CPO: variants seen among roughly 807,000 people sequenced by gnomAD.
CPO encodes the protein carboxypeptidase O.
CPO carries 43 observed loss-of-function variants against 41.2 expected under a neutral mutation model. The observed-to-expected ratio is 1.04, with a 90% CI of 0.82 to 1.35. The LOEUF (loss-of-function observed/expected upper bound fraction) is 1.35, where lower values mean the gene tolerates loss of function less well. CPO is among the 40% of genes most tolerant of loss of function. The pLI is 0.00. For missense variants in CPO, 408 were observed against 451.7 expected (o/e 0.90, Z 0.88); for synonymous variants, 178 against 162.7 (o/e 1.09, Z -0.72).
chr2:206,950,141 G>C (rs951499869), intron 2 of CPO, among the ~76,000 whole-genome samples: 6 of 152,154 alleles, frequency 3.9e-5, no homozygotes, highest in Non-Finnish European at 7.4e-5. Flanking sequence ...CAGGACACAT[G>C]CAGTAGTTCT....
At chr2:206,966,241 GA>G (rs11362053) in intron 7 of CPO, among the ~76,000 whole-genome samples, 56,627 of 142,456 alleles carry the variant, frequency 0.4, 12,264 homozygotes, top group Middle Eastern at 0.54. Flanking sequence ...CTGCAGGAAA[GA>G]AAAAAAAAAA....
rs980367519 is a variant in CPO at position 206,969,250 on chromosome 2, C to T, written c.939C>T (p.Asp313=). Residue 313 remains aspartate (D), a synonymous_variant, in exon 9 of 9, where the codon GAC becomes GAT. Coordinates refer to ENST00000272852, the MANE Select transcript of CPO (RefSeq NM_173077.3). ...IPFSYTFELR[D]SGTYGFVLPE... Reference sequence around the variant, plus strand: ...TCTCATATACGTTTGAGCTGAGGGACAGTGGAACATATGGGTTTGTTCTGC... The same window carrying T: ...TCTCATATACGTTTGAGCTGAGGGATAGTGGAACATATGGGTTTGTTCTGC... 1 of 1,614,118 alleles carries T rather than the reference C, an allele frequency of 6.2e-7. No individual in the cohort carries two copies. The highest frequency in any genetic ancestry group is 1.3e-5 in the African/African-American group (1 of 75,042).
At chr2:206,952,543 T>C (rs1574350170) in intron 2 of CPO, among the ~76,000 whole-genome samples, 1 of 152,198 alleles carries the variant, frequency 6.6e-6, no homozygotes, top group East Asian at 1.9e-4. Context: ...TCTTATTGCA[T>C]TAATTGTTAT....
intron 2 of CPO, among the ~76,000 whole-genome samples, chr2:206,949,934 CA>C (rs1693219789): frequency 6.6e-6 from 1 of 152,108 alleles, no homozygotes; most frequent in Non-Finnish European, 1.5e-5. Context: ...AAATTAATAA[CA>C]AAAAGAAAAT....
intron 5 of CPO, 108 bp downstream of exon 5, chr2:206,959,849 G>T: frequency 1.8e-6 from 1 of 552,286 alleles, no homozygotes; most frequent in South Asian, 3.1e-5. Flanking sequence ...TCATACCTAT[G>T]TAAAGAAAGG....
intron 1 of CPO, among the ~76,000 whole-genome samples, chr2:206,944,710 AATT>A (rs1383525426): frequency 1.3e-5 from 2 of 152,034 alleles, no homozygotes; most frequent in African/African-American, 4.8e-5. Context: ...CTTCTGTTAA[AATT>A]ATTATTAATA....
At chr2:206,958,941 AT>A (rs1343456662) in intron 4 of CPO, among the ~76,000 whole-genome samples, 1 of 151,696 alleles carries the variant, frequency 6.6e-6, no homozygotes, top group East Asian at 1.9e-4. Context: ...GGGTTTCTCC[AT>A]GTTGGTCAGA....
chr2:206,967,343 A>ATATATATATATC (rs1559075236), intron 7 of CPO, among the ~76,000 whole-genome samples: 1 of 77,100 alleles, frequency 1.3e-5, no homozygotes, highest in African/African-American at 4.8e-5. Context: ...ATATATATAT[A>ATATATATATATC]TATATATAGA....
chr2:206,943,570 A>G (rs1693067790), intron 1 of CPO, among the ~76,000 whole-genome samples: 1 of 150,940 alleles, frequency 6.6e-6, no homozygotes, highest in African/African-American at 2.4e-5. Context: ...GGATGTCATA[A>G]AAGAATAGTT....
chr2:206,969,250 C>G lies in CPO; in HGVS notation c.939C>G (p.Asp313Glu). The G allele has an allele frequency of 6.2e-7, 1 of 1,614,118 alleles. No individual in the cohort carries two copies. The highest frequency in any genetic ancestry group is 1.7e-5 in the Admixed American group (1 of 60,030). The change falls in exon 9 of 9, where the codon GAC becomes GAG. Residue 313 changes from aspartate to glutamate, a missense_variant. Transcript: ENST00000272852. ...IPFSYTFELR[D>E]SGTYGFVLPE... The stretch of plus-strand genomic sequence containing the variant: ...TCTCATATACGTTTGAGCTGAGGGA[C>G]AGTGGAACATATGGGTTTGTTCTGC...
intron 1 of CPO, among the ~76,000 whole-genome samples, chr2:206,947,966 C>T (rs893236138): frequency 1.3e-5 from 2 of 152,182 alleles, no homozygotes; most frequent in African/African-American, 2.4e-5. Flanking sequence ...AACTCTCATT[C>T]GTTGCTGATG....
intron 2 of CPO, among the ~76,000 whole-genome samples, chr2:206,951,761 C>G (rs1693268719): frequency 6.6e-6 from 1 of 152,172 alleles, no homozygotes; most frequent in Non-Finnish European, 1.5e-5. Flanking sequence ...ATCTGTGAAA[C>G]AGAAATAGTA....
At chr2:206,951,645 A>G (rs1388074022) in intron 2 of CPO, among the ~76,000 whole-genome samples, 2 of 152,204 alleles carry the variant, frequency 1.3e-5, no homozygotes, top group Non-Finnish European at 2.9e-5. Flanking sequence ...TGGCCCATGG[A>G]CACTTTATGA....
chr2:206,964,084 T>C (rs925427578), intron 7 of CPO, among the ~76,000 whole-genome samples: 1 of 152,192 alleles, frequency 6.6e-6, no homozygotes, highest in African/African-American at 2.4e-5. Flanking sequence ...CTTGCTCTGT[T>C]CTTAATATCA....
chr2:206,968,488 TAA>T (rs919858252), intron 8 of CPO, 141 bp downstream of exon 8: 43 of 641,796 alleles, frequency 6.7e-5, no homozygotes, highest in Non-Finnish European at 1.2e-4. Context: ...TGACCAAGGA[TAA>T]AAGGGAGTCT....
Position 206,962,552 on chromosome 2 carries a change from G to A in CPO, c.715G>A (p.Gly239Arg). ...GTGCTTCCTGACCATGCACTCTTAT[G>A]GGCAGTTAATTCTCACACCTTACGG... ...ILCFLTMHSY[G>R]QLILTPYGYT... Residue 239 changes from glycine to arginine, a missense_variant, in exon 7 of 9, where the codon GGG becomes AGG. Coordinates refer to ENST00000272852, the MANE Select transcript of CPO (RefSeq NM_173077.3). 1.2e-6 allele frequency: 2 copies of A among 1,614,050 alleles called. No individual in the cohort carries two copies. Among genetic ancestry groups the A allele is most frequent in the Non-Finnish European group, 1.7e-6 (2 of 1,179,974 alleles).
chr2:206,951,613 A>C (rs1693265558), intron 2 of CPO, among the ~76,000 whole-genome samples: 2 of 152,348 alleles, frequency 1.3e-5, no homozygotes, highest in South Asian at 4.1e-4. Flanking sequence ...TGAAAGTTCT[A>C]CAATTTTGTA....
At chr2:206,943,705 TA>T (rs1156705778) in intron 1 of CPO, among the ~76,000 whole-genome samples, 7 of 74,116 alleles carry the variant, frequency 9.4e-5, no homozygotes, top group Non-Finnish European at 1.2e-4. Flanking sequence ...GATAGATAGA[TA>T]GATAGATAGA....
rs557001625 is a variant in CPO, at chr2:206,969,437, G to C, written c.*1G>C. 1.2e-6 allele frequency: 2 copies of C among 1,613,980 alleles called. No homozygotes were observed. The highest frequency in any genetic ancestry group is 4.5e-5 in the East Asian group (2 of 44,840). On this transcript the variant is annotated 3_prime_UTR_variant, in exon 9 of 9. Transcript: ENST00000272852. ...GGTGTCCTGCATGTCTCTTCTCTAAGTGCATTCTGCCCAGGCCTGCTCAAC... is the reference window on the plus strand; with the variant it reads ...GGTGTCCTGCATGTCTCTTCTCTAACTGCATTCTGCCCAGGCCTGCTCAAC...
Sources: gnomAD v4.1 joint callset for allele counts (sites outside exome capture counted in the v4.1 genomes callset) on GRCh38, gnomAD v4.1.1 for gene constraint, MANE v1.5 for transcripts, NCBI Gene and HGNC (gene_info 2026-07-23, HGNC 2026-07-21) for gene names.